RFTN1: variants seen among roughly 807,000 people sequenced by gnomAD.
RFTN1 encodes raftlin, lipid raft linker 1.
In RFTN1, 26 loss-of-function variants were observed where a neutral mutation model predicts 46.5. The ratio of observed to expected loss-of-function variants is 0.56; its 90% confidence interval spans 0.41 to 0.78. The LOEUF is 0.78. Among genes scored for constraint, RFTN1 ranks in the 30% least tolerant of loss-of-function variants. The pLI is 0.00. For synonymous variants in RFTN1, 261 were observed against 284.2 expected (o/e 0.92, Z 0.82); for missense variants, 693 against 718.7 (o/e 0.96, Z 0.41).
chr3:16,319,291 CA>C (rs1364429374), intron 9 of RFTN1, among the ~76,000 whole-genome samples: 1 of 152,088 alleles, frequency 6.6e-6, no homozygotes, highest in Non-Finnish European at 1.5e-5. Flanking sequence ...TTACTGTTGC[CA>C]AAAAAGTGGT....
rs1473179938 is a variant in RFTN1 at position 16,404,119 on chromosome 3, A to G, written c.441+5256T>C. Among the ~76,000 whole-genome samples, 3 of 23,422 alleles carry G rather than the reference A, an allele frequency of 1.3e-4. 1 individual carries two copies. Among genetic ancestry groups the G allele is most frequent in the Non-Finnish European group, 2.3e-4 (3 of 13,316 alleles). 15.4% of individuals were successfully genotyped at this position (23,422 alleles called of 152,430 possible). A position where few individuals can be genotyped will look rare whatever the true frequency, so the allele number is the denominator to read the frequency against. Reference sequence around the variant, plus strand: ...ATATATTATATATAATATATAATATACATTTTATATATAATATATAATATA... The same window carrying G: ...ATATATTATATATAATATATAATATGCATTTTATATATAATATATAATATA... On this transcript the variant is annotated intron_variant, in intron 4 of 9. Coordinates refer to ENST00000334133, the MANE Select transcript of RFTN1 (RefSeq NM_015150.2).
Position 16,320,770 on chromosome 3 carries a change from G to T in RFTN1, c.1332+2606C>A, listed in dbSNP as rs1220882703. 2.6e-5 allele frequency among the ~76,000 whole-genome samples: 4 copies of T among 152,222 alleles called. No homozygotes were observed. Among genetic ancestry groups the T allele is most frequent in the African/African-American group, 9.6e-5 (4 of 41,454 alleles). ...CCACAGAGGAGCTGGAGGCCACAGA[G>T]AATGGGAGGCTGGCAGAGGAGGTAA... On this transcript the variant is annotated intron_variant, in intron 9 of 9. Coordinates refer to ENST00000334133, the MANE Select transcript of RFTN1 (RefSeq NM_015150.2). The surrounding 1 kb of genome is among the most constrained non-coding windows in gnomAD (Gnocchi z 4.5).
rs770608990 is a variant in RFTN1, at chr3:16,342,213, AC to A, written c.1147-15338del. On this transcript the variant is annotated intron_variant, in intron 7 of 9. Transcript: ENST00000334133. The surrounding 1 kb of genome is among the most constrained non-coding windows in gnomAD (Gnocchi z 4.0). ...CAGTCACTCCCCTTTCCCCCCACCCACCCCGAGGCAACCACGAGTCCACTTT... is the reference window on the plus strand; with the variant it reads ...CAGTCACTCCCCTTTCCCCCCACCCACCCGAGGCAACCACGAGTCCACTTT... Among the ~76,000 whole-genome samples the A allele has an allele frequency of 2.8e-5, 4 of 144,716 alleles. No individual in the cohort carries two copies. Among genetic ancestry groups the A allele is most frequent in the Non-Finnish European group, 6.0e-5 (4 of 66,326 alleles). 94.9% of individuals were successfully genotyped at this position (144,716 alleles called of 152,430 possible).
At chr3:16,359,048 AAAAAG>A (rs1238066867) in intron 6 of RFTN1, among the ~76,000 whole-genome samples, 32 of 148,508 alleles carry the variant, frequency 2.2e-4, no homozygotes, top group African/African-American at 7.6e-4. Context: ...AAAAAAAAAA[AAAAAG>A]AAATACTGAA....
intron 2 of RFTN1, among the ~76,000 whole-genome samples, chr3:16,437,252 C>T (rs1044695962): frequency 2.0e-5 from 3 of 152,172 alleles, no homozygotes; most frequent in Non-Finnish European, 2.9e-5. Context: ...TGGCCCTCAT[C>T]GTGGTGGGAG....
At position 16,465,454 on chromosome 3, in the gene RFTN1, A is replaced by ACACACC. The variant is rs1553601631; in HGVS notation, c.145+28270_145+28271insGGTGTG. Among the ~76,000 whole-genome samples, 2 of 144,780 alleles carry ACACACC rather than the reference A, an allele frequency of 1.4e-5. No homozygotes were observed. Among genetic ancestry groups the ACACACC allele is most frequent in the Admixed American group, 6.7e-5 (1 of 14,914 alleles). 95.0% of individuals were successfully genotyped at this position (144,780 alleles called of 152,430 possible). A position where few individuals can be genotyped will look rare whatever the true frequency, so the allele number is the denominator to read the frequency against. ...CACACACACACACACACACACACAC[A>ACACACC]CCCCATGCCTGATTAAACAAAATAA... On this transcript the variant is annotated intron_variant, in intron 2 of 9. Transcript: ENST00000334133. The surrounding 1 kb of genome is among the most constrained non-coding windows in gnomAD (Gnocchi z 5.1).
In RFTN1 at chr3:16,352,562, CAATTAT is replaced by C. The variant is rs2072173057; in HGVS notation, c.1146+5364_1146+5369del. Among the ~76,000 whole-genome samples, 2 of 152,104 alleles carry C rather than the reference CAATTAT, an allele frequency of 1.3e-5. No homozygotes were observed. The highest frequency in any genetic ancestry group is 4.8e-5 in the African/African-American group (2 of 41,424). On this transcript the variant is annotated intron_variant, in intron 7 of 9. Transcript: ENST00000334133. The surrounding 1 kb of genome is among the most constrained non-coding windows in gnomAD (Gnocchi z 4.6). The stretch of plus-strand genomic sequence containing the variant: ...TGTAGGTTTCCAACCGAGCAAAATG[CAATTAT>C]TTGTATTTGACTCTACAGGTTCCCT...
At chr3:16,409,321 A>T in intron 4 of RFTN1, 54 bp downstream of exon 4, 2 of 1,209,486 alleles carry the variant, frequency 1.7e-6, no homozygotes, top group Non-Finnish European at 2.5e-6. Context: ...CTGCCTGTTC[A>T]CTCAGGGGAA....
chr3:16,488,403 C>T (rs970554045), intron 2 of RFTN1, among the ~76,000 whole-genome samples: 7 of 152,190 alleles, frequency 4.6e-5, no homozygotes, highest in Non-Finnish European at 8.8e-5. Flanking sequence ...CCAGCTTATC[C>T]TCACTTTTTG....
rs1052592827 is a variant in RFTN1, at chr3:16,442,662, A to G, written c.146-8625T>C. On this transcript the variant is annotated intron_variant, in intron 2 of 9. Coordinates refer to ENST00000334133, the MANE Select transcript of RFTN1 (RefSeq NM_015150.2). The surrounding 1 kb of genome is among the most constrained non-coding windows in gnomAD (Gnocchi z 4.1). ...TTATTAGCTATAGTCCCCATGTTGT[A>G]CATTAGATCTCTAGATTTACTTATC... Among the ~76,000 whole-genome samples, 5 of 152,156 alleles carry G rather than the reference A, an allele frequency of 3.3e-5. No homozygotes were observed. Among genetic ancestry groups the G allele is most frequent in the African/African-American group, 1.2e-4 (5 of 41,440 alleles).
intron 2 of RFTN1, among the ~76,000 whole-genome samples, chr3:16,437,517 G>A (rs1380645147): frequency 6.6e-6 from 1 of 152,052 alleles, no homozygotes; most frequent in East Asian, 1.9e-4. Context: ...AAAATTAACT[G>A]AGTGTGGTGG....
rs1346702032 is a variant in RFTN1, at chr3:16,425,610, A to G, written c.332+8241T>C. On this transcript the variant is annotated intron_variant, in intron 3 of 9. Transcript: ENST00000334133. This position sits in a 1 kb window ranked among gnomAD's most constrained non-coding sequence, Gnocchi z 4.3. ...GTTCTCTCCACCGGGGTAAAGGCCA[A>G]TGCTTTGGAGGAAGAGAACAAGAGT... Among the ~76,000 whole-genome samples the G allele has an allele frequency of 6.6e-6, 1 of 152,198 alleles. No homozygotes were observed. The highest frequency in any genetic ancestry group is 2.4e-5 in the African/African-American group (1 of 41,444).
rs2074030710 is a variant in RFTN1, at chr3:16,382,627, A to G, written c.442-4525T>C. ...GCTTTCCTTGCAAGTTCAGACCTACACAGAAGACGATCACAGCTGACGGGT... is the reference window on the plus strand; with the variant it reads ...GCTTTCCTTGCAAGTTCAGACCTACGCAGAAGACGATCACAGCTGACGGGT... On this transcript the variant is annotated intron_variant, in intron 4 of 9. Coordinates refer to ENST00000334133, the MANE Select transcript of RFTN1 (RefSeq NM_015150.2). The surrounding 1 kb of genome is among the most constrained non-coding windows in gnomAD (Gnocchi z 4.7). 6.6e-6 allele frequency among the ~76,000 whole-genome samples: 1 copy of G among 152,086 alleles called. No homozygotes were observed. Among genetic ancestry groups the G allele is most frequent in the Admixed American group, 6.5e-5 (1 of 15,272 alleles).
At chr3:16,502,787 A>C (rs2076734697) in intron 1 of RFTN1, among the ~76,000 whole-genome samples, 1 of 152,210 alleles carries the variant, frequency 6.6e-6, no homozygotes, top group Admixed American at 6.5e-5. Context: ...ACCTCATGAG[A>C]GACCCTAAGT....
At chr3:16,501,442 G>A (rs188734915) in intron 1 of RFTN1, among the ~76,000 whole-genome samples, 112 of 152,228 alleles carry the variant, frequency 7.4e-4, no homozygotes, top group Admixed American at 1.3e-3. Context: ...TTTAAATAAT[G>A]GGGGCAATAA....
intron 2 of RFTN1, among the ~76,000 whole-genome samples, chr3:16,463,196 C>T (rs2076036360): frequency 6.6e-6 from 1 of 152,156 alleles, no homozygotes; most frequent in Non-Finnish European, 1.5e-5. Context: ...ATCTCTCTTA[C>T]AAATCTGGGG....
In RFTN1 at chr3:16,345,574, C is replaced by A. The variant is rs13068487; in HGVS notation, c.1146+12358G>T. The stretch of plus-strand genomic sequence containing the variant: ...GGGTGGAGGAAGGCTGAATTAACAC[C>A]GCCTGACTGCTTGAACAGGAACGTC... On this transcript the variant is annotated intron_variant, in intron 7 of 9. Coordinates refer to ENST00000334133, the MANE Select transcript of RFTN1 (RefSeq NM_015150.2). The surrounding 1 kb of genome is among the most constrained non-coding windows in gnomAD (Gnocchi z 5.2). 6.6e-6 allele frequency among the ~76,000 whole-genome samples: 1 copy of A among 152,008 alleles called. No homozygotes were observed. Among genetic ancestry groups the A allele is most frequent in the Admixed American group, 6.5e-5 (1 of 15,278 alleles).
rs763235797 is a variant in RFTN1 at position 16,507,525 on chromosome 3, A to C, written c.-9+5917T>G. On this transcript the variant is annotated intron_variant, in intron 1 of 9. Transcript: ENST00000334133. This position sits in a 1 kb window ranked among gnomAD's most constrained non-coding sequence, Gnocchi z 7.1. The stretch of plus-strand genomic sequence containing the variant: ...TACAACAGTTCCCCCAAATCTGAGG[A>C]ACTTTAGCGCTATTCCATAAAACTT... Among the ~76,000 whole-genome samples the C allele has an allele frequency of 6.6e-6, 1 of 152,144 alleles. No individual in the cohort carries two copies. Among genetic ancestry groups the C allele is most frequent in the Non-Finnish European group, 1.5e-5 (1 of 68,030 alleles).
rs570630509 is a variant in RFTN1 at position 16,489,812 on chromosome 3, G to A, written c.145+3913C>T. ...AATCCCAGATACTCAAGAGGCTGAG[G>A]CATAAGAATCACTTGAACCTGGGAG... On this transcript the variant is annotated intron_variant, in intron 2 of 9. Transcript: ENST00000334133. This position sits in a 1 kb window ranked among gnomAD's most constrained non-coding sequence, Gnocchi z 4.0. Among the ~76,000 whole-genome samples the A allele has an allele frequency of 6.6e-6, 1 of 152,200 alleles. No individual in the cohort carries two copies. Among genetic ancestry groups the A allele is most frequent in the South Asian group, 2.1e-4 (1 of 4,830 alleles).
Sources: allele counts gnomAD v4.1 joint callset (sites outside exome capture counted in the v4.1 genomes callset), GRCh38; gene constraint gnomAD v4.1.1; non-coding constraint Gnocchi (gnomAD v3.1); transcripts MANE v1.5; gene names NCBI Gene and HGNC (gene_info 2026-07-23, HGNC 2026-07-21).